Variants in TGM3 observed in about 807,000 individuals in gnomAD.
The protein encoded by TGM3 is transglutaminase 3, also known as protein-glutamine gamma-glutamyltransferase E.
Under a neutral mutation model 73.8 loss-of-function variants are expected in TGM3, and 52 were observed. The observed-to-expected ratio is 0.70, with a 90% CI of 0.56 to 0.89. The LOEUF (loss-of-function observed/expected upper bound fraction) is 0.89. TGM3 is among the 40% of genes least tolerant of loss of function. TGM3 has a pLI of 0.00. For missense variants in TGM3, 928 were observed against 909.9 expected (o/e 1.02, Z -0.26); for synonymous variants, 372 against 354.9 (o/e 1.05, Z -0.54).
At chr20:2,327,332 C>T (rs568190963) in intron 8 of TGM3, among the ~76,000 whole-genome samples, 3 of 151,946 alleles carry the variant, frequency 2.0e-5, no homozygotes, top group South Asian at 4.2e-4. Context: ...AAAAATTAGC[C>T]GGGCGTGGTG....
At chr20:2,327,385 G>A (rs1467550906) in intron 8 of TGM3, among the ~76,000 whole-genome samples, 1 of 152,156 alleles carries the variant, frequency 6.6e-6, no homozygotes, top group Non-Finnish European at 1.5e-5. Context: ...GCTGAGGCAG[G>A]AGAATGGCGT....
Position 2,317,068 on chromosome 20 carries a change from A to G in TGM3, c.670A>G (p.Ile224Val). The change falls in exon 6 of 13, where the codon ATC (isoleucine) becomes GTC (valine). Residue 224 changes from isoleucine (I) to valine (V), a missense_variant and splice_region_variant. By Grantham distance (29) the Ile-to-Val change is conservative. Transcript: ENST00000381458. ...KYVGRVLSAMINSNDDNGVLA... is the reference protein window; with the variant it reads ...KYVGRVLSAMVNSNDDNGVLA... ...TTTTGGGGGGGTGGTTTCTGCCCAG[A>G]TCAATAGCAATGATGACAATGGTGT... The G allele has an allele frequency of 6.2e-7, 1 of 1,613,588 alleles. No homozygotes were observed. Among genetic ancestry groups the G allele is most frequent in the Non-Finnish European group, 8.5e-7 (1 of 1,179,976 alleles).
intron 5 of TGM3, among the ~76,000 whole-genome samples, chr20:2,313,422 T>C (rs1440435341): frequency 6.6e-6 from 1 of 152,074 alleles, no homozygotes; most frequent in African/African-American, 2.4e-5. Flanking sequence ...GAGCTGGAGG[T>C]GGTGACCTCC....
Position 2,340,001 on chromosome 20 carries a change from C to T in TGM3, c.1934+14C>T. On this transcript the variant is annotated intron_variant, in intron 12 of 12. Transcript: ENST00000381458. Reference sequence around the variant, plus strand: ...CCTGAAGATCGAGTGAGTCCTGGGCCTAAGTGGCCGGTGCAGGAGGGCGGG... The same window carrying T: ...CCTGAAGATCGAGTGAGTCCTGGGCTTAAGTGGCCGGTGCAGGAGGGCGGG... 1 of 1,030,628 alleles carries T rather than the reference C, an allele frequency of 9.7e-7. No individual in the cohort carries two copies. Among genetic ancestry groups the T allele is most frequent in the Non-Finnish European group, 1.3e-6 (1 of 742,540 alleles). The allele number at this position is 1,030,628 out of a possible 1,614,324, so 63.8% of individuals were successfully genotyped here.
intron 1 of TGM3, among the ~76,000 whole-genome samples, chr20:2,301,708 T>C: frequency 6.8e-6 from 1 of 146,704 alleles, no homozygotes; most frequent in South Asian, 2.1e-4. Flanking sequence ...CTTTTTAGCA[T>C]TTTTTTTTTT....
At chr20:2,299,354 C>T (rs2084129719) in intron 1 of TGM3, among the ~76,000 whole-genome samples, 1 of 152,208 alleles carries the variant, frequency 6.6e-6, no homozygotes, top group African/African-American at 2.4e-5. Context: ...CACAAGTCCT[C>T]CCCACTCCCG....
At chr20:2,323,384 T>C (rs2084271391) in intron 7 of TGM3, among the ~76,000 whole-genome samples, 1 of 152,264 alleles carries the variant, frequency 6.6e-6, no homozygotes, top group African/African-American at 2.4e-5. Context: ...AGATTGATTT[T>C]GCTTGTCCTT....
At chr20:2,296,899 A>C (rs899262714) in intron 1 of TGM3, among the ~76,000 whole-genome samples, 1 of 152,256 alleles carries the variant, frequency 6.6e-6, no homozygotes, top group Admixed American at 6.5e-5. Flanking sequence ...AACTTGTAAA[A>C]TATTGTGAAT....
intron 5 of TGM3, among the ~76,000 whole-genome samples, chr20:2,313,432 C>T (rs2084217355): frequency 6.6e-6 from 1 of 152,156 alleles, no homozygotes; most frequent in Admixed American, 6.6e-5. Flanking sequence ...TGGTGACCTC[C>T]TTTGCCTAAC....
At chr20:2,313,622 AAC>A (rs1030803207) in intron 5 of TGM3, among the ~76,000 whole-genome samples, 48 of 148,776 alleles carry the variant, frequency 3.2e-4, no homozygotes, top group Admixed American at 2.5e-3. Flanking sequence ...AACACACACA[AAC>A]ACACACACAC....
At chr20:2,300,806 G>A (rs1366746661) in intron 1 of TGM3, among the ~76,000 whole-genome samples, 1 of 152,182 alleles carries the variant, frequency 6.6e-6, no homozygotes, top group Non-Finnish European at 1.5e-5. Flanking sequence ...CCCATTAAAA[G>A]CTCAAAGCCT....
intron 7 of TGM3, among the ~76,000 whole-genome samples, chr20:2,322,682 A>G (rs945995962): frequency 6.6e-6 from 1 of 152,184 alleles, no homozygotes; most frequent in Non-Finnish European, 1.5e-5. Context: ...CCTGAACCTC[A>G]GTTTCCAGAG....
rs753969797 is a variant in TGM3 at position 2,334,061 on chromosome 20, G to A, written c.1643-1055G>A. 1.3e-5 allele frequency among the ~76,000 whole-genome samples: 2 copies of A among 152,206 alleles called. No individual in the cohort carries two copies. The highest frequency in any genetic ancestry group is 2.9e-5 in the Non-Finnish European group (2 of 68,048). On this transcript the variant is annotated intron_variant, in intron 10 of 12. Coordinates refer to ENST00000381458, the MANE Select transcript of TGM3 (RefSeq NM_003245.4). The surrounding 1 kb of genome is among the most constrained non-coding windows in gnomAD (Gnocchi z 4.0). Reference sequence around the variant, plus strand: ...CCCAGGCCACCCAGCATGACAGCCTGAGGGAAGGGAGCACCTAAGCCCATC... The same window carrying A: ...CCCAGGCCACCCAGCATGACAGCCTAAGGGAAGGGAGCACCTAAGCCCATC...
At chr20:2,324,353 T>G (rs1253873313) in intron 7 of TGM3, among the ~76,000 whole-genome samples, 1 of 152,216 alleles carries the variant, frequency 6.6e-6, no homozygotes, top group Non-Finnish European at 1.5e-5. Context: ...ACATCTGGAT[T>G]ATTTTATGGT....
rs529044526 is a variant in TGM3, at chr20:2,322,319, A to C, written c.984-3530A>C. Among the ~76,000 whole-genome samples the C allele has an allele frequency of 3.3e-5, 5 of 152,272 alleles. No individual in the cohort carries two copies. In the South Asian group the frequency reaches 8.3e-4, roughly 25 times the overall value. On this transcript the variant is annotated intron_variant, in intron 7 of 12. Coordinates refer to ENST00000381458, the MANE Select transcript of TGM3 (RefSeq NM_003245.4). ...TATTGTTATTTACAGAATTGGGATG[A>C]TACATTTTCCAAGGCATGAGTAGAA...
At chr20:2,302,386 C>T (rs912676595) in intron 1 of TGM3, among the ~76,000 whole-genome samples, 1 of 152,178 alleles carries the variant, frequency 6.6e-6, no homozygotes, top group African/African-American at 2.4e-5. Context: ...GTTATATTAA[C>T]ATATTTGTGA....
chr20:2,309,344 G>A (rs2084190788), intron 1 of TGM3, among the ~76,000 whole-genome samples: 1 of 152,208 alleles, frequency 6.6e-6, no homozygotes, highest in African/African-American at 2.4e-5. Context: ...AGCAGATGGA[G>A]GGGGGAAAGA....
In TGM3 at chr20:2,328,058, A is replaced by G; in HGVS notation, c.1088-62A>G. The G allele has an allele frequency of 6.2e-7, 1 of 1,603,526 alleles. No individual in the cohort carries two copies. Among genetic ancestry groups the G allele is most frequent in the Non-Finnish European group, 8.5e-7 (1 of 1,173,422 alleles). On this transcript the variant is annotated intron_variant, in intron 8 of 12. Transcript: ENST00000381458. The surrounding 1 kb of genome is among the most constrained non-coding windows in gnomAD (Gnocchi z 5.2). ...GCAGTGGTCCTGGAAGGCCCTGGGG[A>G]ATCGGGCACTGGGTAGGTTGTGGCC...
At chr20:2,299,836 G>A (rs899693859) in intron 1 of TGM3, among the ~76,000 whole-genome samples, 2 of 152,180 alleles carry the variant, frequency 1.3e-5, no homozygotes, top group Admixed American at 6.5e-5. Flanking sequence ...AATGGCTCAC[G>A]CCTGTAATCC....
Sources: gnomAD v4.1 joint callset for allele counts (sites outside exome capture counted in the v4.1 genomes callset) on GRCh38, gnomAD v4.1.1 for gene constraint, Gnocchi (gnomAD v3.1) non-coding constraint, MANE v1.5 for transcripts, NCBI Gene and HGNC (gene_info 2026-07-23, HGNC 2026-07-21) for gene names.